The following ATL3 variants were observed in gnomAD, a reference collection of about 807,000 sequenced individuals.
ATL3 encodes atlastin GTPase 3, also known as atlastin-3.
A neutral mutation model predicts 69.5 loss-of-function variants in ATL3; 49 were observed. The ratio of observed to expected loss-of-function variants is 0.71; its 90% confidence interval spans 0.56 to 0.89. ATL3 has a LOEUF of 0.89. Among genes scored for constraint, ATL3 ranks in the 40% least tolerant of loss-of-function variants. The pLI is 0.00. For synonymous variants in ATL3, 214 were observed against 224.1 expected (o/e 0.95, Z 0.40); for missense variants, 606 against 645.7 (o/e 0.94, Z 0.67).
chr11:63,667,630 G>A (rs1441624437), intron 1 of ATL3, among the ~76,000 whole-genome samples: 1 of 152,012 alleles, frequency 6.6e-6, no homozygotes, highest in Admixed American at 6.6e-5. Flanking sequence ...CAGGCGTGGT[G>A]GTGCATGACT....
intron 3 of ATL3, among the ~76,000 whole-genome samples, chr11:63,652,968 G>C (rs960227070): frequency 6.6e-6 from 1 of 152,130 alleles, no homozygotes; most frequent in African/African-American, 2.4e-5. Context: ...CGTGGCAGCA[G>C]CAGCACTTGA....
At position 63,651,923 on chromosome 11, in the gene ATL3, G is replaced by A. The variant is rs1940090585; in HGVS notation, c.561+13C>T. 1.9e-6 allele frequency: 3 copies of A among 1,583,808 alleles called. No homozygotes were observed. Among genetic ancestry groups the A allele is most frequent in the East Asian group, 2.3e-5 (1 of 44,098 alleles). ...AATAATATGATGTTAAAATTGTTAT[G>A]AGAAATATATACCTGCAGCTGTTGA... On this transcript the variant is annotated intron_variant, in intron 5 of 12. Coordinates refer to ENST00000398868, the MANE Select transcript of ATL3 (RefSeq NM_015459.5).
chr11:63,643,316 A>G (rs374926830), intron 8 of ATL3, 41 bp downstream of exon 8: 1 of 1,530,768 alleles, frequency 6.5e-7, no homozygotes, highest in African/African-American at 1.4e-5. Context: ...TTTTAATTCC[A>G]AAGATCGAAT....
At chr11:63,636,401 C>A in intron 8 of ATL3, 67 bp from the exon 9 acceptor site, 2 of 1,596,464 alleles carry the variant, frequency 1.3e-6, no homozygotes, top group Non-Finnish European at 1.7e-6. Context: ...GGTGAACACA[C>A]AATGCAGTCT....
rs1312131296 is a variant in ATL3 at position 63,646,768 on chromosome 11, CCACT to C, written c.562-209_562-206del. On this transcript the variant is annotated intron_variant, in intron 5 of 12. Transcript: ENST00000398868. ...ATTCATCAACAAATCCAGAATCCAG[CCACT>C]CACTATTTCCATGTGGCTTGGAATA... Among the ~76,000 whole-genome samples, 6 of 152,290 alleles carry C rather than the reference CCACT, an allele frequency of 3.9e-5. No individual in the cohort carries two copies. In the South Asian group the frequency reaches 1.0e-3, roughly 26 times the overall value.
At chr11:63,633,530 C>T (rs1232177165) in intron 10 of ATL3, among the ~76,000 whole-genome samples, 1 of 151,850 alleles carries the variant, frequency 6.6e-6, no homozygotes, top group Non-Finnish European at 1.5e-5. Flanking sequence ...CAGTGCGTGC[C>T]ACCACGCTTG....
chr11:63,645,984 G>A (rs1939863576), intron 6 of ATL3, among the ~76,000 whole-genome samples: 2 of 151,884 alleles, frequency 1.3e-5, no homozygotes, highest in Non-Finnish European at 1.5e-5. Flanking sequence ...AGCTGGTCTC[G>A]AACTCTTGAC....
At chr11:63,655,190 T>C (rs868189499) in intron 3 of ATL3, among the ~76,000 whole-genome samples, 1 of 152,236 alleles carries the variant, frequency 6.6e-6, no homozygotes, top group Middle Eastern at 3.4e-3. Context: ...TTATTCCTCA[T>C]TACTGAGGCA....
intron 1 of ATL3, among the ~76,000 whole-genome samples, chr11:63,666,092 C>T (rs1940565476): frequency 2.0e-5 from 3 of 152,250 alleles, no homozygotes; most frequent in South Asian, 2.1e-4. Context: ...GCAATCCTCC[C>T]ACCTCAGCCT....
rs752971502 is a variant in ATL3, at chr11:63,658,900, T to C, written c.266A>G (p.Glu89Gly). 3 of 1,601,012 alleles carry C rather than the reference T, an allele frequency of 1.9e-6. No homozygotes were observed. The highest frequency in any genetic ancestry group is 2.7e-5 in the African/African-American group (2 of 74,096). Residue 89 changes from glutamate to glycine, a missense_variant, in exon 3 of 13, where the codon GAA (glutamate) becomes GGA (glycine). Transcript: ENST00000398868. ...FMLRYLYSQK[E>G]SGHSNWLGDP... ...ACCCAACCAATTTGAATGGCCACTTTCCTTCTACAGAAGTAAGAAATTTCT... is the reference window on the plus strand; with the variant it reads ...ACCCAACCAATTTGAATGGCCACTTCCCTTCTACAGAAGTAAGAAATTTCT...
chr11:63,657,312 T>C (rs1399145787), intron 3 of ATL3, among the ~76,000 whole-genome samples: 3 of 151,804 alleles, frequency 2.0e-5, no homozygotes, highest in African/African-American at 4.8e-5. Flanking sequence ...AACACATGAC[T>C]TACCCCTCCC....
In ATL3 at chr11:63,643,451, G is replaced by A. The variant is rs1469329075; in HGVS notation, c.756C>T (p.His252=). The A allele has an allele frequency of 1.9e-6, 3 of 1,612,758 alleles. No individual in the cohort carries two copies. The highest frequency in any genetic ancestry group is 2.5e-6 in the Non-Finnish European group (3 of 1,179,426). ...QHEEIQNVRN[H]IHSCFSDVTC... is the part of the protein sequence containing the mutation. ...TGACATCGGAGAAACATGAGTGAAT[G>A]TGATTTCGAACATTCTGAATTTCTT... Residue 252 remains histidine, a synonymous_variant, in exon 8 of 13, where the codon CAC becomes CAT. Transcript: ENST00000398868.
At chr11:63,641,884 T>C (rs1939711433) in intron 8 of ATL3, among the ~76,000 whole-genome samples, 1 of 152,168 alleles carries the variant, frequency 6.6e-6, no homozygotes, top group African/African-American at 2.4e-5. Context: ...ACTGAAACTA[T>C]GGAAGAATGC....
chr11:63,661,351 GT>G lies in ATL3; in HGVS notation c.47-2100del, dbSNP rs910386753. On this transcript the variant is annotated intron_variant, in intron 1 of 12. Transcript: ENST00000398868. ...CATATCACTAGTAATAACTCAAAAA[GT>G]TTTAGAAGCTATTAATTCTATAGTT... Among the ~76,000 whole-genome samples the G allele has an allele frequency of 4.5e-4, 69 of 152,048 alleles. 3 individuals are homozygous for G. Among genetic ancestry groups the G allele is most frequent in the Non-Finnish European group, 4.4e-5 (3 of 68,020 alleles).
intron 8 of ATL3, among the ~76,000 whole-genome samples, chr11:63,643,060 T>A (rs1939750050): frequency 6.6e-6 from 1 of 152,246 alleles, no homozygotes; most frequent in Admixed American, 6.5e-5. Context: ...ATTAGCTGAC[T>A]AATGTTTAGT....
chr11:63,633,949 T>C (rs1939417646), intron 10 of ATL3, among the ~76,000 whole-genome samples: 1 of 141,438 alleles, frequency 7.1e-6, no homozygotes, highest in African/African-American at 2.7e-5. Flanking sequence ...GCAGGAGAAC[T>C]ACTTGAACCC....
At chr11:63,635,431 AAGG>A in intron 10 of ATL3, 100 bp downstream of exon 10, 1 of 1,018,452 alleles carries the variant, frequency 9.8e-7, no homozygotes, top group Non-Finnish European at 1.5e-6. Context: ...CATGATGAAA[AAGG>A]AGAAAAAGTG....
chr11:63,645,972 C>T (rs1164440994), intron 6 of ATL3, among the ~76,000 whole-genome samples: 1 of 152,022 alleles, frequency 6.6e-6, no homozygotes, highest in Non-Finnish European at 1.5e-5. Flanking sequence ...CCATGTTGGC[C>T]AAGCTGGTCT....
intron 5 of ATL3, 140 bp downstream of exon 5, chr11:63,651,796 A>T: frequency 8.1e-7 from 1 of 1,227,718 alleles, no homozygotes; most frequent in Non-Finnish European, 1.1e-6. Flanking sequence ...CAATGGCTAT[A>T]CATAGTATAG....
Sources: allele counts gnomAD v4.1 joint callset (sites outside exome capture counted in the v4.1 genomes callset), GRCh38; gene constraint gnomAD v4.1.1; transcripts MANE v1.5; gene names NCBI Gene and HGNC (gene_info 2026-07-23, HGNC 2026-07-21).